The following GRIK2 variants were observed in gnomAD, a reference collection of about 807,000 sequenced individuals.
GRIK2 encodes glutamate receptor ionotropic, kainate 2.
A neutral mutation model predicts 100.3 loss-of-function variants in GRIK2; 32 were observed. The observed-to-expected ratio is 0.32, with a 90% CI of 0.24 to 0.43. The LOEUF (loss-of-function observed/expected upper bound fraction) is 0.43. Ranked by LOEUF, GRIK2 falls within the 20% of genes least tolerant of loss-of-function variation. GRIK2 has a pLI of 1.00. For synonymous variants in GRIK2, 417 were observed against 389.4 expected (o/e 1.07, Z -0.83); for missense variants, 843 against 1,114.9 (o/e 0.76, Z 3.47).
chr6:102,036,165 T>C (rs1268443251), intron 15 of GRIK2, among the ~76,000 whole-genome samples: 1 of 150,756 alleles, frequency 6.6e-6, no homozygotes, highest in Non-Finnish European at 1.5e-5. Context: ...CAGAAAACCA[T>C]AATAAAACTC....
Position 101,754,072 on chromosome 6 carries a change from A to G in GRIK2, c.952-45576A>G, listed in dbSNP as rs550008457. On this transcript the variant is annotated intron_variant, in intron 7 of 16. Coordinates refer to ENST00000369134, the MANE Select transcript of GRIK2 (RefSeq NM_021956.5). The stretch of plus-strand genomic sequence containing the variant: ...AAAATATCCAATTAATAGTTGCTGG[A>G]GAAGAAATATCACAATATTTCTTAG... Among the ~76,000 whole-genome samples, 5 of 152,176 alleles carry G rather than the reference A, an allele frequency of 3.3e-5. No individual in the cohort carries two copies. The South Asian group carries it at 1.0e-3, about 32-fold the overall frequency.
chr6:101,530,081 G>A (rs1775356606), intron 2 of GRIK2, among the ~76,000 whole-genome samples: 1 of 151,986 alleles, frequency 6.6e-6, no homozygotes, highest in African/African-American at 2.4e-5. Context: ...GGTACATGCT[G>A]ACTACATATT....
intron 7 of GRIK2, among the ~76,000 whole-genome samples, chr6:101,734,949 A>G (rs2128373541): frequency 6.6e-6 from 1 of 152,184 alleles, no homozygotes; most frequent in African/African-American, 2.4e-5. Context: ...TGAGAATGGG[A>G]GAGTTTTGAA....
At chr6:101,970,862 T>C (rs545421801) in intron 14 of GRIK2, among the ~76,000 whole-genome samples, 1 of 150,810 alleles carries the variant, frequency 6.6e-6, no homozygotes, top group African/African-American at 2.5e-5. Context: ...AAAAAACAAA[T>C]TTTGCAGAAG....
At chr6:101,742,278 G>A (rs941200510) in intron 7 of GRIK2, among the ~76,000 whole-genome samples, 6 of 152,218 alleles carry the variant, frequency 3.9e-5, no homozygotes, top group Non-Finnish European at 7.3e-5. Context: ...GAGGCAGCCA[G>A]GTGAGGAGGT....
intron 2 of GRIK2, among the ~76,000 whole-genome samples, chr6:101,502,475 T>C (rs889358215): frequency 6.6e-6 from 1 of 152,090 alleles, no homozygotes; most frequent in Non-Finnish European, 1.5e-5. Context: ...ATAAAAAGAT[T>C]TCCGAGACAT....
intron 2 of GRIK2, among the ~76,000 whole-genome samples, chr6:101,565,747 C>T (rs1777225317): frequency 6.6e-6 from 1 of 151,650 alleles, no homozygotes; most frequent in South Asian, 2.1e-4. Context: ...CTGACCCCCA[C>T]ACAGTTGAAA....
At chr6:101,987,452 T>G (rs1285407601) in intron 14 of GRIK2, among the ~76,000 whole-genome samples, 2 of 151,718 alleles carry the variant, frequency 1.3e-5, no homozygotes, top group Non-Finnish European at 2.9e-5. Context: ...TTTGATCTTT[T>G]TAATAGTAAG....
At chr6:101,727,339 G>C (rs531160774) in intron 7 of GRIK2, among the ~76,000 whole-genome samples, 1 of 152,154 alleles carries the variant, frequency 6.6e-6, no homozygotes, top group South Asian at 2.1e-4. Flanking sequence ...AAGTAGTACT[G>C]TCCCCAGTAA....
chr6:101,963,551 A>G (rs1452731721), intron 14 of GRIK2, among the ~76,000 whole-genome samples: 1 of 100,264 alleles, frequency 1.0e-5, no homozygotes, highest in African/African-American at 4.1e-5. Context: ...ATGGGGTTTC[A>G]CTGTGTTAGC....
intron 2 of GRIK2, among the ~76,000 whole-genome samples, chr6:101,612,378 C>A (rs964892875): frequency 6.6e-6 from 1 of 151,684 alleles, no homozygotes; most frequent in Non-Finnish European, 1.5e-5. Flanking sequence ...AGACAGAAAA[C>A]GTGAGTCAAA....
intron 14 of GRIK2, among the ~76,000 whole-genome samples, chr6:102,015,723 G>A (rs1339667160): frequency 6.6e-6 from 1 of 152,332 alleles, no homozygotes; most frequent in Non-Finnish European, 1.5e-5. Flanking sequence ...GCCCTGCAAA[G>A]TGCTTTGGCT....
intron 2 of GRIK2, among the ~76,000 whole-genome samples, chr6:101,446,056 A>G (rs1727944240): frequency 6.6e-6 from 1 of 151,968 alleles, no homozygotes; most frequent in African/African-American, 2.4e-5. Flanking sequence ...CTTAGCTTAA[A>G]TACTACTTTC....
At chr6:101,463,714 A>G (rs1185781474) in intron 2 of GRIK2, among the ~76,000 whole-genome samples, 1 of 152,192 alleles carries the variant, frequency 6.6e-6, no homozygotes, top group Non-Finnish European at 1.5e-5. Flanking sequence ...CAGGGCTCTA[A>G]TATCTATCAC....
At chr6:101,936,542 C>G (rs1790629172) in intron 14 of GRIK2, among the ~76,000 whole-genome samples, 1 of 151,970 alleles carries the variant, frequency 6.6e-6, no homozygotes, top group Admixed American at 6.6e-5. Flanking sequence ...TATTTTTACT[C>G]CCAGAGGTTG....
At chr6:101,492,220 A>C (rs914024480) in intron 2 of GRIK2, among the ~76,000 whole-genome samples, 3 of 151,976 alleles carry the variant, frequency 2.0e-5, no homozygotes, top group African/African-American at 7.2e-5. Context: ...TAATGATACT[A>C]ACTGAATCAA....
intron 2 of GRIK2, among the ~76,000 whole-genome samples, chr6:101,400,316 G>A (rs1340861867): frequency 6.6e-6 from 1 of 152,168 alleles, no homozygotes; most frequent in Non-Finnish European, 1.5e-5. Flanking sequence ...TGGAAACCCT[G>A]GTCAGAGGGT....
At chr6:101,772,362 A>G (rs1778457104) in intron 7 of GRIK2, among the ~76,000 whole-genome samples, 1 of 152,196 alleles carries the variant, frequency 6.6e-6, no homozygotes, top group African/African-American at 2.4e-5. Context: ...AAATGGACTG[A>G]AGTGGAAGAG....
chr6:102,031,127 A>ACACACC (rs1313794193), intron 14 of GRIK2, among the ~76,000 whole-genome samples: 3 of 57,686 alleles, frequency 5.2e-5, no homozygotes, highest in East Asian at 4.9e-4. Context: ...ACACACACAC[A>ACACACC]CCCCCTTTGA....
Sources: allele counts gnomAD v4.1 joint callset (sites outside exome capture counted in the v4.1 genomes callset), GRCh38; gene constraint gnomAD v4.1.1; transcripts MANE v1.5; gene names NCBI Gene and HGNC (gene_info 2026-07-23, HGNC 2026-07-21).